Variants in DMD observed in about 807,000 individuals in gnomAD.
DMD encodes the protein dystrophin.
DMD carries 63 observed loss-of-function variants against 330.1 expected under a neutral mutation model. The ratio of observed to expected loss-of-function variants is 0.19; its 90% CI spans 0.16 to 0.24. The LOEUF (loss-of-function observed/expected upper bound fraction) is 0.24. Ranked by LOEUF, DMD falls within the 10% of genes least tolerant of loss-of-function variation. The probability of loss-of-function intolerance (pLI) is 1.00; values close to 1 mark genes in which losing one functional copy is unlikely to be tolerated. For synonymous variants in DMD, 1,223 were observed against 959.8 expected (o/e 1.27, Z -5.07); for missense variants, 3,344 against 2,684.1 (o/e 1.25, Z -5.43).
At chrX:32,361,335 T>A (rs2097833432) in intron 37 of DMD, among the ~76,000 whole-genome samples, 1 of 111,568 alleles carries the variant, frequency 9.0e-6, no homozygotes, top group Non-Finnish European at 1.9e-5. Flanking sequence ...TTGCAGGTAA[T>A]AATGACTGAC....
intron 2 of DMD, among the ~76,000 whole-genome samples, chrX:32,984,841 A>G (rs978622855): frequency 9.0e-6 from 1 of 111,575 alleles, no homozygotes; most frequent in Non-Finnish European, 1.9e-5. Context: ...TAGCACTTAC[A>G]TAGTGTACTG....
In DMD at chrX:31,123,168, C is replaced by T. The variant is rs1009377850; in HGVS notation, c.11047-1238G>A. ...GATATAGCTTCTCTACAAAATGAAG[C>T]GGATTCACGGGCAGGCACTTAAACA... On this transcript the variant is annotated intron_variant, in intron 78 of 78. Transcript: ENST00000357033. Among the ~76,000 whole-genome samples, 16 of 111,443 alleles carry T rather than the reference C, an allele frequency of 1.4e-4. No homozygotes were observed. The South Asian group carries it at 3.0e-3, about 21-fold the overall frequency.
chrX:32,217,904 T>G (rs772441018), intron 43 of DMD, among the ~76,000 whole-genome samples: 28 of 112,319 alleles, frequency 2.5e-4, no homozygotes, highest in Admixed American at 2.2e-3. Context: ...TAGGCTCACA[T>G]GTAAGCATTA....
rs769800814 is a variant in DMD, at chrX:32,844,785, T to A, written c.262A>T (p.Asn88Tyr). The A allele has an allele frequency of 8.3e-7, 1 of 1,208,552 alleles. No individual in the cohort carries two copies. Among genetic ancestry groups the A allele is most frequent in the East Asian group, 3.0e-5 (1 of 33,826 alleles). Residue 88 changes from asparagine to tyrosine, a missense_variant and splice_region_variant, in exon 4 of 79, where the codon AAT becomes TAT. Transcript: ENST00000357033. ...NKALRVLQNN[N>Y]VDLVNIGSTD... ...ACCTTGTCCAGGGTACTACTTACAT[T>A]ATTGTTCTGCAAAACCCGCAGTGCC...
intron 15 of DMD, among the ~76,000 whole-genome samples, chrX:32,567,023 C>T (rs768412456): frequency 1.8e-5 from 2 of 111,998 alleles, no homozygotes; most frequent in Admixed American, 1.9e-4. Flanking sequence ...GCACCAATTG[C>T]CCATGAAGCA....
intron 1 of DMD, among the ~76,000 whole-genome samples, chrX:33,176,559 AGTGTGTGT>A (rs67497965): frequency 1.9e-5 from 2 of 102,785 alleles, no homozygotes; most frequent in African/African-American, 7.0e-5. Flanking sequence ...CAAGCACAGA[AGTGTGTGT>A]GTGTGTGTGT....
intron 66 of DMD, 95 bp downstream of exon 66, chrX:31,206,487 G>A (rs1419448310): frequency 2.6e-6 from 2 of 775,809 alleles, no homozygotes; most frequent in Non-Finnish European, 3.9e-6. Flanking sequence ...TGAGGAATCT[G>A]CTGTCAAATA....
intron 34 of DMD, among the ~76,000 whole-genome samples, chrX:32,368,365 CATGAAT>C (rs984370527): frequency 9.0e-6 from 1 of 110,943 alleles, no homozygotes; most frequent in Non-Finnish European, 1.9e-5. Context: ...CTGGAATAAG[CATGAAT>C]GACTACAAGG....
intron 7 of DMD, among the ~76,000 whole-genome samples, chrX:32,723,278 C>T (rs2066519330): frequency 9.0e-6 from 1 of 111,037 alleles, no homozygotes; most frequent in Non-Finnish European, 1.9e-5. Flanking sequence ...AGGGCTAAAC[C>T]CACCTGGTCA....
intron 60 of DMD, among the ~76,000 whole-genome samples, chrX:31,413,568 C>T (rs1245304554): frequency 1.8e-5 from 2 of 111,405 alleles, no homozygotes; most frequent in Admixed American, 1.9e-4. Context: ...AAAGTACAGG[C>T]AAGGAGGCAC....
chrX:31,688,346 C>T (rs193251946), intron 52 of DMD, among the ~76,000 whole-genome samples: 37 of 110,445 alleles, frequency 3.4e-4, no homozygotes, highest in African/African-American at 1.1e-3. Context: ...AACACCTCTA[C>T]GCAAATAAAC....
chrX:32,500,545 G>T (rs1318058159), intron 19 of DMD, among the ~76,000 whole-genome samples: 1 of 111,535 alleles, frequency 9.0e-6, no homozygotes, highest in Admixed American at 9.5e-5. Flanking sequence ...TTATTAAAAT[G>T]AAAAAGTGAT....
intron 74 of DMD, among the ~76,000 whole-genome samples, chrX:31,149,346 C>G (rs1034725285): frequency 6.2e-5 from 7 of 112,244 alleles, no homozygotes; most frequent in African/African-American, 2.3e-4. Context: ...GTAGATCCCA[C>G]ACTCCAGCTT....
intron 1 of DMD, among the ~76,000 whole-genome samples, chrX:33,293,645 C>A (rs1004837170): frequency 1.8e-5 from 2 of 111,209 alleles, no homozygotes; most frequent in African/African-American, 6.5e-5. Context: ...GTAGGATGTT[C>A]ATTTAAGCCC....
intron 7 of DMD, among the ~76,000 whole-genome samples, chrX:32,723,838 A>G (rs2066582425): frequency 9.1e-6 from 1 of 109,487 alleles, no homozygotes; most frequent in Admixed American, 9.9e-5. Flanking sequence ...CTTAGGCCAC[A>G]CCTAAAATAC....
intron 44 of DMD, among the ~76,000 whole-genome samples, chrX:32,043,754 G>A (rs984456864): frequency 1.8e-5 from 2 of 111,603 alleles, no homozygotes; most frequent in South Asian, 7.5e-4. Flanking sequence ...AATAAACCAG[G>A]AGTTTCACCT....
At chrX:32,387,347 T>C (rs1225998881) in intron 32 of DMD, among the ~76,000 whole-genome samples, 1 of 111,153 alleles carries the variant, frequency 9.0e-6, no homozygotes, top group Non-Finnish European at 1.9e-5. Flanking sequence ...TTCAAATATA[T>C]GTACGTGTGT....
At chrX:31,478,949 A>G (rs764151568) in intron 58 of DMD, 34 bp downstream of exon 58, 1 of 1,205,111 alleles carries the variant, frequency 8.3e-7, no homozygotes, top group East Asian at 3.0e-5. Flanking sequence ...TGATCCTTCT[A>G]TCAATATGTT....
At chrX:32,229,459 A>G (rs2097159637) in intron 43 of DMD, among the ~76,000 whole-genome samples, 1 of 106,114 alleles carries the variant, frequency 9.4e-6, no homozygotes, top group African/African-American at 3.4e-5. Flanking sequence ...TTCTTAAAGT[A>G]TCGTTGCTTA....
Sources: allele counts gnomAD v4.1 joint callset (sites outside exome capture counted in the v4.1 genomes callset), GRCh38; gene constraint gnomAD v4.1.1; transcripts MANE v1.5; gene names NCBI Gene and HGNC (gene_info 2026-07-23, HGNC 2026-07-21).